Variants in NEK10 observed in about 807,000 individuals in gnomAD.
NEK10 encodes the protein NIMA related kinase 10.
NEK10 carries 122 observed loss-of-function variants against 159.8 expected under a neutral mutation model. The ratio of observed to expected loss-of-function variants is 0.76; its 90% confidence interval spans 0.66 to 0.89. NEK10 has a LOEUF of 0.89. NEK10 is among the 40% of genes least tolerant of loss of function. The probability of loss-of-function intolerance (pLI) is 0.00; values close to 1 mark genes in which losing one functional copy is unlikely to be tolerated. For missense variants in NEK10, 1,342 were observed against 1,323.1 expected, an observed-to-expected ratio of 1.01 and a Z score of -0.22; for synonymous variants, 466 against 457.1, an observed-to-expected ratio of 1.02 and a Z score of -0.25.
chr3:27,355,018 T>C (rs2048233596), intron 1 of NEK10, among the ~76,000 whole-genome samples: 1 of 151,400 alleles, frequency 6.6e-6, no homozygotes. Context: ...TCCCAAGGAA[T>C]GGGAGAGGCT....
chr3:27,338,023 C>T lies in NEK10; in HGVS notation c.362+6249G>A, dbSNP rs375931598. Among the ~76,000 whole-genome samples, 5 of 152,184 alleles carry T rather than the reference C, an allele frequency of 3.3e-5. No individual in the cohort carries two copies. In the East Asian group the frequency reaches 5.8e-4, roughly 18 times the overall value. On this transcript the variant is annotated intron_variant, in intron 5 of 35. Transcript: ENST00000691995. ...GGTTTGTTACATGGGTATATATGTG[C>T]CATGTTTGTTTGCTGCACCCATCAA...
chr3:27,366,210 G>C (rs1426677126), intron 1 of NEK10, among the ~76,000 whole-genome samples: 1 of 152,100 alleles, frequency 6.6e-6, no homozygotes, highest in Non-Finnish European at 1.5e-5. Context: ...TTACAGATGA[G>C]GAAACTGAGG....
chr3:27,122,240 T>C (rs931853809), intron 32 of NEK10, among the ~76,000 whole-genome samples: 2 of 152,204 alleles, frequency 1.3e-5, no homozygotes, highest in East Asian at 3.9e-4. Flanking sequence ...ACTCATTGTC[T>C]CTCCTGCCGC....
intron 32 of NEK10, among the ~76,000 whole-genome samples, chr3:27,123,580 A>G (rs1941577264): frequency 1.3e-5 from 2 of 152,228 alleles, no homozygotes; most frequent in Admixed American, 6.5e-5. Context: ...AAACACATTA[A>G]TGGATAAAAA....
chr3:27,209,256 T>C (rs142286521), intron 23 of NEK10, among the ~76,000 whole-genome samples: 220 of 152,350 alleles, frequency 1.4e-3, no homozygotes, highest in African/African-American at 5.1e-3. Context: ...CTGTATTTCA[T>C]CTGGCAATCC....
chr3:27,136,648 A>T (rs1943245839), intron 31 of NEK10, among the ~76,000 whole-genome samples: 1 of 152,182 alleles, frequency 6.6e-6, no homozygotes, highest in East Asian at 1.9e-4. Flanking sequence ...CTGATTTCAT[A>T]CTTAGCTTGC....
intron 22 of NEK10, among the ~76,000 whole-genome samples, chr3:27,262,147 T>C (rs1402049384): frequency 1.3e-5 from 2 of 152,172 alleles, no homozygotes; most frequent in Non-Finnish European, 1.5e-5. Context: ...TTTAAGAATG[T>C]TGAATATTGG....
intron 22 of NEK10, among the ~76,000 whole-genome samples, chr3:27,272,533 G>A (rs1416979947): frequency 6.6e-6 from 1 of 152,112 alleles, no homozygotes. Context: ...CATCCTACAG[G>A]GTATTTGACA....
At chr3:27,363,406 T>C (rs968965859) in intron 1 of NEK10, among the ~76,000 whole-genome samples, 5 of 152,210 alleles carry the variant, frequency 3.3e-5, no homozygotes, top group Non-Finnish European at 4.4e-5. Flanking sequence ...ACATACTTTG[T>C]AGTTTACAAC....
intron 5 of NEK10, among the ~76,000 whole-genome samples, chr3:27,328,231 T>C (rs2046150258): frequency 6.6e-6 from 1 of 152,222 alleles, no homozygotes; most frequent in African/African-American, 2.4e-5. Context: ...CAAGTACTGT[T>C]ATAAGCCCAG....
chr3:27,351,516 G>A (rs2047969165), intron 3 of NEK10, among the ~76,000 whole-genome samples: 2 of 152,112 alleles, frequency 1.3e-5, no homozygotes, highest in African/African-American at 2.4e-5. Flanking sequence ...TAATTATTAA[G>A]CAGGGTAATG....
chr3:27,186,105 T>C (rs978475450), intron 26 of NEK10, among the ~76,000 whole-genome samples: 3 of 152,310 alleles, frequency 2.0e-5, no homozygotes, highest in African/African-American at 7.2e-5. Context: ...AAGTACCTGT[T>C]AGACATGCAG....
chr3:27,362,394 T>A (rs1166989961), intron 1 of NEK10, among the ~76,000 whole-genome samples: 2 of 152,102 alleles, frequency 1.3e-5, no homozygotes, highest in Non-Finnish European at 2.9e-5. Flanking sequence ...ATGTAAAACA[T>A]CTATATGCAG....
At chr3:27,267,512 A>T (rs1288191817) in intron 22 of NEK10, among the ~76,000 whole-genome samples, 1 of 152,138 alleles carries the variant, frequency 6.6e-6, no homozygotes, top group Non-Finnish European at 1.5e-5. Context: ...AATTCTCATA[A>T]TATTTCAAAC....
intron 22 of NEK10, among the ~76,000 whole-genome samples, chr3:27,269,986 G>T (rs2041205204): frequency 6.6e-6 from 1 of 152,160 alleles, no homozygotes; most frequent in African/African-American, 2.4e-5. Flanking sequence ...CACTGAAGTT[G>T]TAGTTTTGAA....
intron 3 of NEK10, among the ~76,000 whole-genome samples, chr3:27,349,484 T>C (rs1268617679): frequency 2.6e-5 from 4 of 152,170 alleles, no homozygotes; most frequent in Non-Finnish European, 4.4e-5. Flanking sequence ...TAATTATCTG[T>C]GCCTACTCCC....
intron 5 of NEK10, among the ~76,000 whole-genome samples, chr3:27,341,932 C>T (rs1229424742): frequency 6.6e-6 from 1 of 152,114 alleles, no homozygotes; most frequent in Non-Finnish European, 1.5e-5. Context: ...TTATCTACAA[C>T]CATAATTGGA....
chr3:27,214,554 TTTTG>T (rs1951310759), intron 23 of NEK10, among the ~76,000 whole-genome samples: 3 of 144,046 alleles, frequency 2.1e-5, no homozygotes, highest in Non-Finnish European at 3.1e-5. Flanking sequence ...TCTTTCTTTT[TTTTG>T]TTTTTCCTAT....
chr3:27,276,593 C>T (rs1328730360), intron 22 of NEK10, among the ~76,000 whole-genome samples: 1 of 152,108 alleles, frequency 6.6e-6, no homozygotes, highest in East Asian at 1.9e-4. Context: ...GGATTTTAAC[C>T]AGAAGAAGAG....
Sources: gnomAD v4.1 joint callset for allele counts (sites outside exome capture counted in the v4.1 genomes callset) on GRCh38, gnomAD v4.1.1 for gene constraint, MANE v1.5 for transcripts, NCBI Gene and HGNC (gene_info 2026-07-23, HGNC 2026-07-21) for gene names.